MAPK10: variants seen among roughly 807,000 people sequenced by gnomAD.
MAPK10 encodes JNK3 alpha protein kinase.
In MAPK10, 25 loss-of-function variants were observed where a neutral mutation model predicts 59.3. The ratio of observed to expected loss-of-function variants is 0.42; its 90% CI spans 0.31 to 0.59. MAPK10 has a LOEUF of 0.59. Among genes scored for constraint, MAPK10 ranks in the 20% least tolerant of loss-of-function variants. The pLI, the probability that MAPK10 is intolerant of heterozygous loss-of-function variation, is 0.15. For synonymous variants in MAPK10, 190 were observed against 200.5 expected, an observed-to-expected ratio of 0.95 and a Z score of 0.44; for missense variants, 351 against 568.9, an observed-to-expected ratio of 0.62 and a Z score of 3.90.
intron 4 of MAPK10, among the ~76,000 whole-genome samples, chr4:86,135,131 G>A (rs2061721142): frequency 6.6e-6 from 1 of 152,220 alleles, no homozygotes; most frequent in Admixed American, 6.5e-5. Context: ...CATTGCCCAG[G>A]CTTGCTTAGG....
chr4:86,241,330 C>T (rs375016987), intron 2 of MAPK10, among the ~76,000 whole-genome samples: 2 of 151,962 alleles, frequency 1.3e-5, no homozygotes, highest in African/African-American at 2.4e-5. Context: ...TTGATCTTCT[C>T]GTGGGGTATC....
intron 1 of MAPK10, among the ~76,000 whole-genome samples, chr4:86,575,730 G>A (rs964042291): frequency 1.3e-5 from 2 of 150,754 alleles, no homozygotes; most frequent in Admixed American, 6.6e-5. Context: ...AAGCAAACTT[G>A]CATTTGTGTT....
intron 1 of MAPK10, among the ~76,000 whole-genome samples, chr4:86,508,172 C>T (rs72665722): frequency 0.22 from 33,316 of 152,008 alleles, 4,551 homozygotes; most frequent in Admixed American, 0.3. Context: ...AGAGAATCTT[C>T]CTCTCTGTTA....
At chr4:86,585,612 C>G (rs1230305204) in intron 1 of MAPK10, among the ~76,000 whole-genome samples, 1 of 152,166 alleles carries the variant, frequency 6.6e-6, no homozygotes, top group African/African-American at 2.4e-5. Flanking sequence ...TTATAGTTCT[C>G]TACTTTAACT....
At chr4:86,571,000 G>A (rs1257959695) in intron 1 of MAPK10, among the ~76,000 whole-genome samples, 1 of 152,030 alleles carries the variant, frequency 6.6e-6, no homozygotes, top group East Asian at 1.9e-4. Flanking sequence ...CCAGCTACCA[G>A]ACAGCGTTTT....
chr4:86,444,467 TA>T (rs1254163887), intron 1 of MAPK10, among the ~76,000 whole-genome samples: 1 of 150,158 alleles, frequency 6.7e-6, no homozygotes, highest in Non-Finnish European at 1.5e-5. Flanking sequence ...AGAAAAAACA[TA>T]GAAGAAAATG....
At chr4:86,513,450 T>C (rs1490459550) in intron 1 of MAPK10, among the ~76,000 whole-genome samples, 2 of 152,206 alleles carry the variant, frequency 1.3e-5, no homozygotes, top group Non-Finnish European at 2.9e-5. Context: ...AGATATTAGA[T>C]GACAAAATTG....
At position 86,345,110 on chromosome 4, in the gene MAPK10, G is replaced by A. The variant is rs143532320; in HGVS notation, c.-7+9420C>T. On this transcript the variant is annotated intron_variant, in intron 2 of 13. Coordinates refer to ENST00000641462, the MANE Select transcript of MAPK10 (RefSeq NM_138982.4). ...AAATAAGAATGGGCAGAATTAAGCT[G>A]AAGACAACAAAACGGGGAAAGTTAA... Among the ~76,000 whole-genome samples the A allele has an allele frequency of 4.3e-3, 651 of 152,238 alleles. 4 individuals are homozygous for A. The highest frequency in any genetic ancestry group is 0.015 in the African/African-American group (612 of 41,542).
intron 1 of MAPK10, among the ~76,000 whole-genome samples, chr4:86,383,186 T>C (rs1234213069): frequency 6.6e-6 from 1 of 152,214 alleles, no homozygotes; most frequent in Non-Finnish European, 1.5e-5. Flanking sequence ...TTCCCTTTGG[T>C]GGCTATAAGA....
chr4:86,409,786 T>C (rs920411734), intron 1 of MAPK10, among the ~76,000 whole-genome samples: 23 of 152,210 alleles, frequency 1.5e-4, no homozygotes, highest in African/African-American at 5.5e-4. Flanking sequence ...GCTTATCAGC[T>C]TAAGGAGATT....
intron 2 of MAPK10, among the ~76,000 whole-genome samples, chr4:86,345,429 G>C (rs929090334): frequency 6.6e-5 from 10 of 152,158 alleles, no homozygotes; most frequent in Non-Finnish European, 1.5e-4. Context: ...TGCTGTTGAA[G>C]AACTGGTGTG....
chr4:86,067,019 TAAA>T (rs1186405507), intron 10 of MAPK10, among the ~76,000 whole-genome samples: 1 of 152,162 alleles, frequency 6.6e-6, no homozygotes, highest in Non-Finnish European at 1.5e-5. Flanking sequence ...AATTTTATAT[TAAA>T]AATTAAATTC....
chr4:86,126,701 A>G (rs1393122029), intron 4 of MAPK10, among the ~76,000 whole-genome samples: 1 of 152,122 alleles, frequency 6.6e-6, no homozygotes, highest in Non-Finnish European at 1.5e-5. Flanking sequence ...ATTTATATAT[A>G]CAACTGAACA....
intron 1 of MAPK10, among the ~76,000 whole-genome samples, chr4:86,574,240 A>AT (rs1258788172): frequency 1.5e-4 from 22 of 151,618 alleles, no homozygotes; most frequent in Admixed American, 1.3e-3. Flanking sequence ...TGAACTCATC[A>AT]TTTTTTATGG....
At chr4:86,189,709 CTTCTT>C (rs2079179079) in intron 3 of MAPK10, among the ~76,000 whole-genome samples, 3 of 152,136 alleles carry the variant, frequency 2.0e-5, no homozygotes, top group Non-Finnish European at 2.9e-5. Flanking sequence ...GAAAATTTGA[CTTCTT>C]CTCTTCTTAT....
chr4:86,530,744 C>T (rs568205161), intron 1 of MAPK10, among the ~76,000 whole-genome samples: 2 of 152,260 alleles, frequency 1.3e-5, no homozygotes, highest in East Asian at 3.9e-4. Flanking sequence ...TCTTAAAGGC[C>T]CAACCTCCCA....
chr4:86,551,547 C>T (rs1759778803), intron 1 of MAPK10, among the ~76,000 whole-genome samples: 1 of 151,496 alleles, frequency 6.6e-6, no homozygotes, highest in Admixed American at 6.6e-5. Context: ...TTCCTTCCTT[C>T]CTTCTTTCCT....
intron 4 of MAPK10, among the ~76,000 whole-genome samples, chr4:86,156,683 G>A (rs1037346302): frequency 1.3e-5 from 2 of 152,030 alleles, no homozygotes; most frequent in Admixed American, 1.3e-4. Flanking sequence ...GAAACAGCAG[G>A]ATAGATGTGA....
At chr4:86,389,938 C>G (rs1417696241) in intron 1 of MAPK10, among the ~76,000 whole-genome samples, 1 of 152,100 alleles carries the variant, frequency 6.6e-6, no homozygotes, top group Non-Finnish European at 1.5e-5. Flanking sequence ...TCTCTGCCCC[C>G]ATCTATCCAA....
Sources: gnomAD v4.1 joint callset for allele counts (sites outside exome capture counted in the v4.1 genomes callset) on GRCh38, gnomAD v4.1.1 for gene constraint, MANE v1.5 for transcripts, NCBI Gene and HGNC (gene_info 2026-07-23, HGNC 2026-07-21) for gene names.